ASAP1: variants seen among roughly 807,000 people sequenced by gnomAD.
ASAP1 encodes the protein arf-GAP with SH3 domain, ANK repeat and PH domain-containing protein 1.
ASAP1 carries 43 observed loss-of-function variants against 145.2 expected under a neutral mutation model. The observed-to-expected ratio is 0.30, with a 90% CI of 0.23 to 0.38. The LOEUF is 0.38. ASAP1 is among the 10% of genes least tolerant of loss of function. ASAP1 has a pLI of 1.00. For synonymous variants in ASAP1, 546 were observed against 515.5 expected (o/e 1.06, Z -0.80); for missense variants, 1,018 against 1,355.3 (o/e 0.75, Z 3.91).
chr8:130,420,282 T>G (rs1299617081), intron 1 of ASAP1, among the ~76,000 whole-genome samples: 1 of 133,524 alleles, frequency 7.5e-6, no homozygotes, highest in East Asian at 2.2e-4. Context: ...ACACACACAA[T>G]AGCAATAACA....
At chr8:130,172,793 T>C (rs1813676792) in intron 9 of ASAP1, among the ~76,000 whole-genome samples, 1 of 152,196 alleles carries the variant, frequency 6.6e-6, no homozygotes, top group Non-Finnish European at 1.5e-5. Flanking sequence ...GACGGAACTG[T>C]TTTAGTTTGA....
chr8:130,201,133 A>AGATC (rs1815843356), intron 5 of ASAP1, among the ~76,000 whole-genome samples: 2 of 152,242 alleles, frequency 1.3e-5, no homozygotes, highest in Non-Finnish European at 2.9e-5. Flanking sequence ...AATGGATGCA[A>AGATC]GATCAAGTGT....
chr8:130,423,408 G>C (rs1829797257), intron 1 of ASAP1, among the ~76,000 whole-genome samples: 1 of 152,188 alleles, frequency 6.6e-6, no homozygotes, highest in Non-Finnish European at 1.5e-5. Flanking sequence ...TTTCTGGAGG[G>C]TGGCTTGGTA....
At chr8:130,065,333 C>T (rs1166050125) in intron 27 of ASAP1, among the ~76,000 whole-genome samples, 3 of 152,198 alleles carry the variant, frequency 2.0e-5, no homozygotes, top group South Asian at 4.1e-4. Flanking sequence ...TTCTTCTTCA[C>T]TTTCCTGTTG....
chr8:130,073,304 C>T (rs367879701), intron 27 of ASAP1, among the ~76,000 whole-genome samples: 1 of 151,288 alleles, frequency 6.6e-6, no homozygotes, highest in African/African-American at 2.4e-5. Context: ...GCAGGAGAAT[C>T]GCTTGAACCT....
At chr8:130,353,865 C>A (rs1016327488) in intron 3 of ASAP1, among the ~76,000 whole-genome samples, 4 of 151,334 alleles carry the variant, frequency 2.6e-5, no homozygotes, top group African/African-American at 9.8e-5. Context: ...AGTGAGAGAG[C>A]CTGTTTCACG....
Position 130,052,741 on chromosome 8 carries a change from T to TG in ASAP1, c.*1989_*1990insC, listed in dbSNP as rs1433829264. On this transcript the variant is annotated 3_prime_UTR_variant, in exon 30 of 30. Coordinates refer to ENST00000518721, the MANE Select transcript of ASAP1 (RefSeq NM_018482.4). ...GTGTTTTTTTTTTGTTTTTGTTTTT[T>TG]TTTTTTTTTTGAAAAAAACCAGTTT... is the stretch of plus-strand genomic sequence containing the variant. 7.6e-5 allele frequency: 11 copies of TG among 143,810 alleles called. No homozygotes were observed. The Admixed American group carries it at 7.8e-4, about 10-fold the overall frequency. 8.9% of individuals were successfully genotyped at this position (143,810 alleles called of 1,614,324 possible). A position where few individuals can be genotyped will look rare whatever the true frequency, so the allele number is the denominator to read the frequency against.
chr8:130,424,885 C>T (rs996552071), intron 1 of ASAP1, among the ~76,000 whole-genome samples: 3 of 151,670 alleles, frequency 2.0e-5, no homozygotes, highest in African/African-American at 4.8e-5. Flanking sequence ...TCCAGCTACT[C>T]GGGAGGCTGA....
At chr8:130,376,399 AG>A (rs1307351472) in intron 2 of ASAP1, among the ~76,000 whole-genome samples, 1 of 151,988 alleles carries the variant, frequency 6.6e-6, no homozygotes, top group Non-Finnish European at 1.5e-5. Flanking sequence ...AGCTGGAGCA[AG>A]AAGAGCATGG....
intron 4 of ASAP1, among the ~76,000 whole-genome samples, chr8:130,234,734 G>C (rs1327989271): frequency 1.3e-5 from 2 of 152,116 alleles, no homozygotes; most frequent in Non-Finnish European, 2.9e-5. Context: ...GCAGCACCTC[G>C]TGGCTGTAAA....
intron 9 of ASAP1, among the ~76,000 whole-genome samples, chr8:130,169,616 C>G (rs1813440914): frequency 1.3e-5 from 2 of 152,320 alleles, no homozygotes; most frequent in East Asian, 3.9e-4. Flanking sequence ...GTTTGGAAAG[C>G]TTTATCCTAC....
intron 27 of ASAP1, among the ~76,000 whole-genome samples, chr8:130,067,933 T>C (rs1459068911): frequency 6.6e-6 from 1 of 152,198 alleles, no homozygotes; most frequent in Non-Finnish European, 1.5e-5. Flanking sequence ...ACCACACATT[T>C]GGTATCAGCG....
rs1450586398 is a variant in ASAP1 at position 130,186,632 on chromosome 8, T to G, written c.530+604A>C. On this transcript the variant is annotated intron_variant, in intron 7 of 29. Transcript: ENST00000518721. Reference sequence around the variant, plus strand: ...CACGAGGTTGGTGGTCTGACTTCAGTGCCCATGCTATGCTGAGGCTCTGTG... The same window carrying G: ...CACGAGGTTGGTGGTCTGACTTCAGGGCCCATGCTATGCTGAGGCTCTGTG... 2.0e-5 allele frequency among the ~76,000 whole-genome samples: 3 copies of G among 152,300 alleles called. No homozygotes were observed. In the East Asian group the frequency reaches 5.8e-4, roughly 29 times the overall value.
chr8:130,350,300 C>T (rs1384141511), intron 3 of ASAP1, among the ~76,000 whole-genome samples: 3 of 152,130 alleles, frequency 2.0e-5, no homozygotes, highest in Non-Finnish European at 4.4e-5. Flanking sequence ...CAGCAGAGTG[C>T]AAAAATCCCT....
chr8:130,107,129 T>C (rs929610821), intron 24 of ASAP1, among the ~76,000 whole-genome samples: 3 of 151,724 alleles, frequency 2.0e-5, no homozygotes, highest in Non-Finnish European at 2.9e-5. Flanking sequence ...ATGAGACAAG[T>C]ATGGGGCAGG....
At chr8:130,357,979 C>G (rs761239180) in intron 3 of ASAP1, 38 bp downstream of exon 3, 3 of 1,577,954 alleles carry the variant, frequency 1.9e-6, no homozygotes, top group Middle Eastern at 1.7e-4. Context: ...GCGGCGGCAG[C>G]GGCGAGCGTG....
chr8:130,200,845 T>C (rs1358210185), intron 5 of ASAP1, among the ~76,000 whole-genome samples: 1 of 152,212 alleles, frequency 6.6e-6, no homozygotes, highest in Non-Finnish European at 1.5e-5. Flanking sequence ...TATTCAGTGA[T>C]AAAGATGTAA....
At chr8:130,264,065 G>C (rs1820099548) in intron 3 of ASAP1, among the ~76,000 whole-genome samples, 1 of 152,232 alleles carries the variant, frequency 6.6e-6, no homozygotes, top group Non-Finnish European at 1.5e-5. Context: ...TCCTAAATAT[G>C]ATGGACAGGA....
At chr8:130,163,289 C>T (rs1394649998) in intron 11 of ASAP1, among the ~76,000 whole-genome samples, 1 of 152,176 alleles carries the variant, frequency 6.6e-6, no homozygotes, top group Non-Finnish European at 1.5e-5. Context: ...GATTCAGACA[C>T]TAACAACTTA....
Sources: gnomAD v4.1 joint callset for allele counts (sites outside exome capture counted in the v4.1 genomes callset) on GRCh38, gnomAD v4.1.1 for gene constraint, MANE v1.5 for transcripts, NCBI Gene and HGNC (gene_info 2026-07-23, HGNC 2026-07-21) for gene names.